Variants in GNB4 observed in about 807,000 individuals in gnomAD.
GNB4 encodes guanine nucleotide-binding protein subunit beta-4.
GNB4 carries 28 observed loss-of-function variants against 45.2 expected under a neutral mutation model. The observed-to-expected ratio is 0.62, with a 90% CI of 0.46 to 0.85. GNB4 has a LOEUF of 0.85. Among genes scored for constraint, GNB4 ranks in the 40% least tolerant of loss-of-function variants. GNB4 has a pLI of 0.00. For missense variants in GNB4, 321 were observed against 425.4 expected, an observed-to-expected ratio of 0.75 and a Z score of 2.16; for synonymous variants, 132 against 143.7, an observed-to-expected ratio of 0.92 and a Z score of 0.58.
At chr3:179,490,153 A>G in the GNB4 span, among the ~76,000 whole-genome samples, 7 of 152,362 alleles carry the variant, frequency 4.6e-5, no homozygotes, top group East Asian at 1.3e-3. Flanking sequence ...ACTCTGAAAA[A>G]TAAAGATAGC....
At chr3:179,464,439 G>A in the GNB4 span, 283 of 1,553,384 alleles carry the variant, frequency 1.8e-4, 1 homozygote, top group Non-Finnish European at 8.9e-5. Context: ...CCACCTCACG[G>A]CAGTTACAGA....
intron 2 of GNB4, 48 bp downstream of exon 2, chr3:179,426,096 T>A: frequency 6.8e-7 from 1 of 1,462,238 alleles, no homozygotes; most frequent in South Asian, 1.2e-5. Context: ...ATTTTGTAGA[T>A]TCCTGGTACT....
intron 1 of GNB4, among the ~76,000 whole-genome samples, chr3:179,447,544 G>C (rs1027824874): frequency 2.6e-5 from 4 of 151,856 alleles, no homozygotes; most frequent in African/African-American, 9.7e-5. Context: ...AACAATAATG[G>C]GTTCTGACGA....
chr3:179,489,008 A>T, the GNB4 span, among the ~76,000 whole-genome samples: 141 of 46,738 alleles, frequency 3.0e-3, 7 homozygotes, highest in Non-Finnish European at 4.4e-3. Context: ...AAAAAAAAAA[A>T]AAAAAAAAAA....
chr3:179,451,470 C>T lies in GNB4; in HGVS notation c.-167G>A, dbSNP rs891132568. On this transcript the variant is annotated 5_prime_UTR_variant, in exon 1 of 10. The change creates a new upstream start codon in the 5' untranslated region. Coordinates refer to ENST00000232564, the MANE Select transcript of GNB4 (RefSeq NM_021629.4). ...CAGCCGAGACCAGAGCCGCCGGCCACACCCAGTCCCGCACCTCCCAGCAGC... is the reference window on the plus strand; with the variant it reads ...CAGCCGAGACCAGAGCCGCCGGCCATACCCAGTCCCGCACCTCCCAGCAGC... 9 of 150,984 alleles carry T rather than the reference C, an allele frequency of 6.0e-5. No homozygotes were observed. Among genetic ancestry groups the T allele is most frequent in the Non-Finnish European group, 1.2e-4 (8 of 67,676 alleles). The allele number at this position is 150,984 out of a possible 1,614,324, so 9.4% of individuals were successfully genotyped here.
intron 1 of GNB4, among the ~76,000 whole-genome samples, chr3:179,447,346 TA>T (rs33953450): frequency 1.1e-3 from 137 of 121,334 alleles, no homozygotes; most frequent in African/African-American, 1.5e-3. Flanking sequence ...ATCATGGTAT[TA>T]AAAAAAAAAA....
chr3:179,442,532 T>C (rs1715619732), intron 1 of GNB4, among the ~76,000 whole-genome samples: 1 of 152,210 alleles, frequency 6.6e-6, no homozygotes, highest in Non-Finnish European at 1.5e-5. Flanking sequence ...CTGTCTTTTC[T>C]TACATGACCC....
intron 2 of GNB4, 68 bp downstream of exon 2, chr3:179,426,072 AAACT>A: frequency 8.3e-7 from 1 of 1,204,718 alleles, no homozygotes; most frequent in Non-Finnish European, 1.2e-6. Context: ...ATAGACTGAT[AAACT>A]AATAGGCAAA....
upstream of GNB4, among the ~76,000 whole-genome samples, chr3:179,454,759 A>G (rs1715954026): frequency 6.6e-6 from 1 of 152,186 alleles, no homozygotes; most frequent in African/African-American, 2.4e-5. Flanking sequence ...ATGCATTCCA[A>G]TTCTATTGTG....
chr3:179,427,538 G>T (rs188515520), intron 1 of GNB4, among the ~76,000 whole-genome samples: 4 of 151,242 alleles, frequency 2.6e-5, no homozygotes, highest in Non-Finnish European at 1.5e-5. Context: ...CTGGGAGGAG[G>T]AGGCTGCAGT....
chr3:179,458,791 G>A, the GNB4 span, among the ~76,000 whole-genome samples: 8 of 150,978 alleles, frequency 5.3e-5, no homozygotes, highest in Non-Finnish European at 7.4e-5. Context: ...AAATATTTTT[G>A]TCCCGAGGGT....
At chr3:179,454,691 C>G (rs887787894), upstream of GNB4, among the ~76,000 whole-genome samples, 1 of 152,082 alleles carries the variant, frequency 6.6e-6, no homozygotes, top group Non-Finnish European at 1.5e-5. Flanking sequence ...CCAAGCACAC[C>G]GTGAAGAACA....
the GNB4 span, among the ~76,000 whole-genome samples, chr3:179,461,827 G>T: frequency 1.3e-5 from 2 of 152,142 alleles, no homozygotes; most frequent in Admixed American, 6.5e-5. Flanking sequence ...ACTGTGTAAT[G>T]AGAATCTTAA....
the GNB4 span, among the ~76,000 whole-genome samples, chr3:179,526,822 T>C: frequency 6.6e-6 from 1 of 152,298 alleles, no homozygotes; most frequent in East Asian, 1.9e-4. Context: ...AATTTCAGTA[T>C]TACACACCTA....
chr3:179,426,563 C>A (rs1385786538), intron 1 of GNB4, among the ~76,000 whole-genome samples: 1 of 152,124 alleles, frequency 6.6e-6, no homozygotes, highest in African/African-American at 2.4e-5. Flanking sequence ...GACTTCCCCA[C>A]TTGGATGTCT....
chr3:179,438,404 C>T (rs1258762729), intron 1 of GNB4, among the ~76,000 whole-genome samples: 1 of 152,168 alleles, frequency 6.6e-6, no homozygotes, highest in Admixed American at 6.5e-5. Flanking sequence ...CAGTGGGGAT[C>T]TCTACCCCTA....
At chr3:179,449,236 T>A (rs1715810681) in intron 1 of GNB4, among the ~76,000 whole-genome samples, 1 of 150,970 alleles carries the variant, frequency 6.6e-6, no homozygotes, top group Non-Finnish European at 1.5e-5. Flanking sequence ...TTTATCAAGA[T>A]AATTAAGCCA....
chr3:179,408,163 A>C (rs1183500169), intron 8 of GNB4, among the ~76,000 whole-genome samples: 1 of 152,224 alleles, frequency 6.6e-6, no homozygotes, highest in Non-Finnish European at 1.5e-5. Context: ...AATTCACCAG[A>C]CATGCAAAAA....
the GNB4 span, among the ~76,000 whole-genome samples, chr3:179,478,083 T>C: frequency 6.6e-6 from 1 of 152,172 alleles, no homozygotes; most frequent in Non-Finnish European, 1.5e-5. Context: ...CATGCTGTGA[T>C]ATTTTCTGGA....
Sources: allele counts gnomAD v4.1 joint callset (sites outside exome capture counted in the v4.1 genomes callset), GRCh38; gene constraint gnomAD v4.1.1; transcripts MANE v1.5; gene names NCBI Gene and HGNC (gene_info 2026-07-23, HGNC 2026-07-21).